GRM5: variants seen among roughly 807,000 people sequenced by gnomAD.
GRM5 encodes the protein metabotropic glutamate receptor 5.
Under a neutral mutation model 83.1 loss-of-function variants are expected in GRM5, and 19 were observed. The ratio of observed to expected loss-of-function variants is 0.23; its 90% CI spans 0.16 to 0.34. The LOEUF (loss-of-function observed/expected upper bound fraction) is 0.34, where lower values mean the gene tolerates loss of function less well. GRM5 is among the 10% of genes least tolerant of loss of function. The pLI is 1.00. For synonymous variants in GRM5, 675 were observed against 633.6 expected (o/e 1.07, Z -0.98); for missense variants, 1,160 against 1,588.3 (o/e 0.73, Z 4.58).
chr11:88,531,823 AT>A (rs1942016587), intron 8 of GRM5, among the ~76,000 whole-genome samples: 1 of 152,014 alleles, frequency 6.6e-6, no homozygotes, highest in Non-Finnish European at 1.5e-5. Context: ...TTAAAAAATA[AT>A]TTTCTTTCGC....
At chr11:88,754,724 A>G (rs1439537472) in intron 3 of GRM5, among the ~76,000 whole-genome samples, 1 of 152,164 alleles carries the variant, frequency 6.6e-6, no homozygotes, top group African/African-American at 2.4e-5. Flanking sequence ...GTGTTCATAC[A>G]TATTAACTAT....
intron 3 of GRM5, among the ~76,000 whole-genome samples, chr11:88,657,652 T>C (rs562387268): frequency 1.3e-5 from 2 of 152,318 alleles, no homozygotes; most frequent in African/African-American, 4.8e-5. Flanking sequence ...TGATTTCTCA[T>C]AAAGAGAAAC....
Position 88,508,511 on chromosome 11 carries a change from C to T in GRM5, c.*81G>A. On this transcript the variant is annotated 3_prime_UTR_variant, in exon 10 of 10. Coordinates refer to ENST00000305447, the MANE Select transcript of GRM5 (RefSeq NM_001143831.3). The surrounding 1 kb of genome is among the most constrained non-coding windows in gnomAD (Gnocchi z 4.2). ...ATCTTCCCCCTGGGCCGTAACCAGG[C>T]GACTATGCTTGCCATTGTGTGTGTG... The T allele has an allele frequency of 1.7e-6, 2 of 1,172,542 alleles. No homozygotes were observed. The highest frequency in any genetic ancestry group is 2.4e-6 in the Non-Finnish European group (2 of 816,776). 72.6% of individuals were successfully genotyped at this position (1,172,542 alleles called of 1,614,324 possible).
At chr11:88,702,909 C>G (rs1051474804) in intron 3 of GRM5, among the ~76,000 whole-genome samples, 2 of 152,090 alleles carry the variant, frequency 1.3e-5, no homozygotes, top group African/African-American at 4.8e-5. Flanking sequence ...TGCTAACCAA[C>G]TTGATCATAG....
At chr11:88,627,306 C>T (rs1202389027) in intron 4 of GRM5, among the ~76,000 whole-genome samples, 1 of 152,172 alleles carries the variant, frequency 6.6e-6, no homozygotes, top group African/African-American at 2.4e-5. Flanking sequence ...ACTCACAAAT[C>T]AATCAATTTA....
At chr11:88,972,121 G>T (rs766213184) in intron 2 of GRM5, among the ~76,000 whole-genome samples, 4 of 152,092 alleles carry the variant, frequency 2.6e-5, no homozygotes, top group Non-Finnish European at 5.9e-5. Flanking sequence ...AATGGCTAAG[G>T]TTAGCATGAC....
intron 2 of GRM5, among the ~76,000 whole-genome samples, chr11:89,032,770 C>T (rs1216386579): frequency 6.6e-6 from 1 of 152,048 alleles, no homozygotes; most frequent in Non-Finnish European, 1.5e-5. Flanking sequence ...TATTTAAACT[C>T]AAGTGTATCT....
intron 6 of GRM5, among the ~76,000 whole-genome samples, chr11:88,596,677 C>G (rs1433944150): frequency 1.3e-5 from 2 of 152,030 alleles, no homozygotes; most frequent in African/African-American, 4.8e-5. Flanking sequence ...AGAAATATCT[C>G]TATCCCTTTT....
At chr11:89,006,039 T>A (rs947140574) in intron 2 of GRM5, among the ~76,000 whole-genome samples, 1 of 151,950 alleles carries the variant, frequency 6.6e-6, no homozygotes, top group African/African-American at 2.4e-5. Context: ...CGTCCAGGGG[T>A]TTGAAACAAT....
intron 2 of GRM5, among the ~76,000 whole-genome samples, chr11:88,985,892 A>G (rs1939690211): frequency 6.6e-6 from 1 of 152,150 alleles, no homozygotes; most frequent in Non-Finnish European, 1.5e-5. Flanking sequence ...AATATCAATC[A>G]TTTATATATT....
rs1252321661 is a variant in GRM5, at chr11:88,990,417, G to A, written c.661+56795C>T. On this transcript the variant is annotated intron_variant, in intron 2 of 9. Transcript: ENST00000305447. The stretch of plus-strand genomic sequence containing the variant: ...TCCAGGACCAGATGGATTCACAGCT[G>A]AATTCTACCAGAGGTACAAGGAGGA... 2.5e-4 allele frequency among the ~76,000 whole-genome samples: 38 copies of A among 151,008 alleles called. 1 individual carries two copies. Among genetic ancestry groups the A allele is most frequent in the African/African-American group, 7.5e-4 (31 of 41,098 alleles).
chr11:89,031,633 C>T (rs1388248885), intron 2 of GRM5, among the ~76,000 whole-genome samples: 1 of 151,724 alleles, frequency 6.6e-6, no homozygotes, highest in African/African-American at 2.4e-5. Context: ...TATATAGCTG[C>T]TTTTTTAAAT....
At chr11:88,658,900 A>G (rs1398319867) in intron 3 of GRM5, among the ~76,000 whole-genome samples, 1 of 152,166 alleles carries the variant, frequency 6.6e-6, no homozygotes, top group East Asian at 1.9e-4. Context: ...TTTGTCATAC[A>G]GGTAGTGGGG....
chr11:88,687,965 A>T (rs893733861), intron 3 of GRM5, among the ~76,000 whole-genome samples: 7 of 152,040 alleles, frequency 4.6e-5, no homozygotes, highest in Non-Finnish European at 1.0e-4. Flanking sequence ...CAAATATTTA[A>T]TTTTAACCTT....
intron 7 of GRM5, among the ~76,000 whole-genome samples, chr11:88,580,488 A>G (rs902764700): frequency 6.6e-6 from 1 of 152,114 alleles, no homozygotes; most frequent in South Asian, 2.1e-4. Context: ...TGGGAAGGTT[A>G]TTTTTTTATT....
chr11:88,615,472 A>G (rs922554451), intron 4 of GRM5, among the ~76,000 whole-genome samples: 12 of 152,174 alleles, frequency 7.9e-5, no homozygotes, highest in African/African-American at 2.6e-4. Context: ...CATTTCACCT[A>G]CTTTCCAGCC....
intron 2 of GRM5, among the ~76,000 whole-genome samples, chr11:88,920,497 TAATACA>T (rs1450953151): frequency 6.7e-6 from 1 of 150,340 alleles, no homozygotes; most frequent in Non-Finnish European, 1.5e-5. Flanking sequence ...TATGAGGAAC[TAATACA>T]AATACTACTC....
At chr11:88,661,726 T>G (rs1565176229) in intron 3 of GRM5, among the ~76,000 whole-genome samples, 2 of 152,220 alleles carry the variant, frequency 1.3e-5, no homozygotes, top group South Asian at 4.1e-4. Context: ...CTATTTTATT[T>G]TATTTTATTT....
chr11:88,796,661 C>T (rs755465671), intron 3 of GRM5, among the ~76,000 whole-genome samples: 5 of 152,042 alleles, frequency 3.3e-5, no homozygotes, highest in Non-Finnish European at 5.9e-5. Context: ...TCATATCTGC[C>T]ATGGATCCTG....
Sources: gnomAD v4.1 joint callset for allele counts (sites outside exome capture counted in the v4.1 genomes callset) on GRCh38, gnomAD v4.1.1 for gene constraint, Gnocchi (gnomAD v3.1) non-coding constraint, MANE v1.5 for transcripts, NCBI Gene and HGNC (gene_info 2026-07-23, HGNC 2026-07-21) for gene names.